Variants in NAALADL2 observed in about 807,000 individuals in gnomAD.
The protein encoded by NAALADL2 is inactive N-acetylated-alpha-linked acidic dipeptidase-like protein 2.
A neutral mutation model predicts 87.2 loss-of-function variants in NAALADL2; 76 were observed. The ratio of observed to expected loss-of-function variants is 0.87; its 90% confidence interval spans 0.72 to 1.05. The LOEUF (loss-of-function observed/expected upper bound fraction) is 1.05. Among genes scored for constraint, NAALADL2 ranks in the 50% least tolerant of loss-of-function variants. NAALADL2 has a pLI of 0.00. For missense variants in NAALADL2, 1,089 were observed against 945.8 expected, an observed-to-expected ratio of 1.15 and a Z score of -1.99; for synonymous variants, 354 against 331.0, an observed-to-expected ratio of 1.07 and a Z score of -0.75.
At chr3:174,451,843 G>GTTTTTTTTTTTTTTTTTT (rs764587503) in intron 1 of NAALADL2, among the ~76,000 whole-genome samples, 1 of 98,098 alleles carries the variant, frequency 1.0e-5, no homozygotes, top group Non-Finnish European at 1.9e-5. Flanking sequence ...GATAGTGGGA[G>GTTTTTTTTTTTTTTTTTT]TTTTTTTTTT....
intron 3 of NAALADL2, among the ~76,000 whole-genome samples, chr3:175,246,720 G>T (rs762911148): frequency 2.0e-5 from 3 of 152,072 alleles, no homozygotes; most frequent in Non-Finnish European, 4.4e-5. Context: ...TGTTGCTTCT[G>T]CTAAGAGTGG....
chr3:175,178,546 A>G (rs930433745), intron 2 of NAALADL2, among the ~76,000 whole-genome samples: 1 of 152,060 alleles, frequency 6.6e-6, no homozygotes, highest in South Asian at 2.1e-4. Flanking sequence ...GACAGCCAGG[A>G]CACTCACAAG....
chr3:175,622,178 T>G (rs1365674244), intron 10 of NAALADL2, among the ~76,000 whole-genome samples: 1 of 152,182 alleles, frequency 6.6e-6, no homozygotes, highest in Non-Finnish European at 1.5e-5. Flanking sequence ...CACATATCCT[T>G]TGCCTTCCTT....
At chr3:174,675,574 A>G (rs975829329) in intron 2 of NAALADL2, among the ~76,000 whole-genome samples, 37 of 152,018 alleles carry the variant, frequency 2.4e-4, no homozygotes, top group Non-Finnish European at 5.2e-4. Context: ...GCCAACCAGA[A>G]CAGACTGTTC....
intron 2 of NAALADL2, among the ~76,000 whole-genome samples, chr3:174,602,787 T>C (rs1379891673): frequency 6.6e-6 from 1 of 152,082 alleles, no homozygotes; most frequent in Non-Finnish European, 1.5e-5. Flanking sequence ...TTTCTTATGT[T>C]GAAGTGTGTT....
chr3:175,676,559 G>A (rs1415303483), intron 11 of NAALADL2: 1 of 151,688 alleles, frequency 6.6e-6, no homozygotes, highest in East Asian at 1.9e-4. Context: ...AGACAGTTAT[G>A]TCCTCTCACT....
chr3:174,458,962 T>C (rs1403618633), intron 1 of NAALADL2, among the ~76,000 whole-genome samples: 1 of 152,114 alleles, frequency 6.6e-6, no homozygotes, highest in African/African-American at 2.4e-5. Context: ...CTAGCCTTCT[T>C]CTAGGGTGGA....
At chr3:175,469,007 T>A (rs1015630694) in intron 8 of NAALADL2, among the ~76,000 whole-genome samples, 6 of 152,120 alleles carry the variant, frequency 3.9e-5, no homozygotes, top group African/African-American at 1.4e-4. Flanking sequence ...AGGAAAAAAA[T>A]TTTGTTAATA....
At chr3:175,057,138 A>T (rs1290204913) in intron 1 of NAALADL2, among the ~76,000 whole-genome samples, 1 of 152,220 alleles carries the variant, frequency 6.6e-6, no homozygotes, top group Non-Finnish European at 1.5e-5. Flanking sequence ...TTACTCATTC[A>T]ATAATAACTG....
intron 11 of NAALADL2, among the ~76,000 whole-genome samples, chr3:175,725,038 A>G (rs1742744936): frequency 6.6e-6 from 1 of 152,124 alleles, no homozygotes; most frequent in African/African-American, 2.4e-5. Context: ...TTACTAAAGC[A>G]CTGTTTTATT....
At chr3:174,475,014 G>T (rs1460712575) in intron 1 of NAALADL2, among the ~76,000 whole-genome samples, 1 of 151,948 alleles carries the variant, frequency 6.6e-6, no homozygotes, top group Non-Finnish European at 1.5e-5. Flanking sequence ...AGACAACTCA[G>T]ATTTGTGAGG....
At chr3:175,241,763 C>G (rs1746930114) in intron 3 of NAALADL2, among the ~76,000 whole-genome samples, 1 of 150,756 alleles carries the variant, frequency 6.6e-6, no homozygotes, top group South Asian at 2.1e-4. Context: ...CTAAATTCAA[C>G]TAGGTGGTTA....
intron 2 of NAALADL2, among the ~76,000 whole-genome samples, chr3:174,645,755 C>G (rs1298049101): frequency 6.6e-6 from 1 of 152,034 alleles, no homozygotes; most frequent in Non-Finnish European, 1.5e-5. Flanking sequence ...ATGTTTCAAC[C>G]ATGTGTACTG....
chr3:175,502,792 C>T lies in NAALADL2; in HGVS notation c.1653+31034C>T, dbSNP rs1330526428. 2.6e-5 allele frequency among the ~76,000 whole-genome samples: 4 copies of T among 152,070 alleles called. No individual in the cohort carries two copies. In the East Asian group the frequency reaches 7.7e-4, roughly 29 times the overall value. ...TCTTGTCCCACCACTGTAGTTTGAACATAGGTTTACAGCTGGAGAGGAATT... is the reference window on the plus strand; with the variant it reads ...TCTTGTCCCACCACTGTAGTTTGAATATAGGTTTACAGCTGGAGAGGAATT... On this transcript the variant is annotated intron_variant, in intron 9 of 13. Coordinates refer to ENST00000454872, the MANE Select transcript of NAALADL2 (RefSeq NM_207015.3).
chr3:174,905,548 G>A (rs1402743710), intron 1 of NAALADL2, among the ~76,000 whole-genome samples: 1 of 151,900 alleles, frequency 6.6e-6, no homozygotes, highest in Non-Finnish European at 1.5e-5. Flanking sequence ...AAGCATTAGG[G>A]CAAGTAAAAC....
At chr3:175,377,436 T>C (rs931186605) in intron 5 of NAALADL2, among the ~76,000 whole-genome samples, 6 of 152,230 alleles carry the variant, frequency 3.9e-5, no homozygotes, top group African/African-American at 1.4e-4. Flanking sequence ...TTACTTGTTT[T>C]TGCTTCTTCA....
intron 4 of NAALADL2, among the ~76,000 whole-genome samples, chr3:175,304,794 T>G (rs1177478987): frequency 6.6e-6 from 1 of 152,258 alleles, no homozygotes; most frequent in Non-Finnish European, 1.5e-5. Flanking sequence ...TACTATAATG[T>G]GCAAATACTT....
intron 2 of NAALADL2, among the ~76,000 whole-genome samples, chr3:175,143,590 C>T (rs1730337418): frequency 6.8e-6 from 1 of 146,958 alleles, no homozygotes; most frequent in Non-Finnish European, 1.5e-5. Context: ...ACTACCATCA[C>T]ATTTAAAAGT....
chr3:175,429,484 G>C (rs1463177159), intron 5 of NAALADL2, among the ~76,000 whole-genome samples: 1 of 151,880 alleles, frequency 6.6e-6, no homozygotes, highest in East Asian at 1.9e-4. Flanking sequence ...GGTTTCTGGA[G>C]GATAGGAATA....
Sources: gnomAD v4.1 joint callset for allele counts (sites outside exome capture counted in the v4.1 genomes callset) on GRCh38, gnomAD v4.1.1 for gene constraint, MANE v1.5 for transcripts, NCBI Gene and HGNC (gene_info 2026-07-23, HGNC 2026-07-21) for gene names.